CCDC201: variants seen among roughly 807,000 people sequenced by gnomAD.
CCDC201 encodes coiled-coil domain containing 201, also known as coiled-coil domain-containing protein 201.
chr7:45,864,386 C>T (rs968511181), intron 2 of CCDC201, among the ~76,000 whole-genome samples: 3 of 152,178 alleles, frequency 2.0e-5, no homozygotes, highest in Non-Finnish European at 4.4e-5. Context: ...CCTTCAGCTC[C>T]CAGAATACCC....
the CCDC201 span, among the ~76,000 whole-genome samples, chr7:45,879,535 A>C: frequency 2.6e-5 from 4 of 152,220 alleles, no homozygotes; most frequent in Non-Finnish European, 5.9e-5. Flanking sequence ...AAGGAGAAGC[A>C]AGCACCATCT....
chr7:45,873,615 C>T (rs549310224), upstream of CCDC201, among the ~76,000 whole-genome samples: 41 of 152,312 alleles, frequency 2.7e-4, no homozygotes, highest in South Asian at 5.8e-3. Flanking sequence ...TATCACCTAA[C>T]GACTCCCAGG....
upstream of CCDC201, among the ~76,000 whole-genome samples, chr7:45,875,439 CAAAA>C (rs34636507): frequency 2.0e-4 from 21 of 104,870 alleles, no homozygotes; most frequent in Non-Finnish European, 2.0e-4. Flanking sequence ...AGGCTTCAGT[CAAAA>C]AAAAAAAAAA....
intron 1 of CCDC201, among the ~76,000 whole-genome samples, chr7:45,867,772 C>T (rs1408482055): frequency 6.6e-6 from 1 of 152,182 alleles, no homozygotes. Context: ...GTCATAAGTT[C>T]AAGGACGTCA....
At chr7:45,863,342 CT>C (rs1193928387) in intron 2 of CCDC201, among the ~76,000 whole-genome samples, 171 bp from the exon 3 acceptor site, 7 of 152,132 alleles carry the variant, frequency 4.6e-5, no homozygotes, top group Non-Finnish European at 7.4e-5. Flanking sequence ...AAATGGGATA[CT>C]GTGCCACCCA....
exon 3 of CCDC201, chr7:45,861,150 C>T (rs992000743): frequency 2.0e-5 from 3 of 152,174 alleles, no homozygotes; most frequent in Admixed American, 2.0e-4. Context: ...ATGCCTGAAT[C>T]ACTTTGCATC....
upstream of CCDC201, among the ~76,000 whole-genome samples, chr7:45,874,691 TTTG>T (rs538463746): frequency 2.6e-5 from 4 of 152,192 alleles, no homozygotes; most frequent in South Asian, 8.3e-4. Context: ...CTAGAAAGGG[TTTG>T]TCAGAGAGCC....
At chr7:45,869,484 C>T (rs534980383) in intron 1 of CCDC201, among the ~76,000 whole-genome samples, 9 of 152,142 alleles carry the variant, frequency 5.9e-5, no homozygotes, top group Non-Finnish European at 1.3e-4. Context: ...CAGTCTTGGC[C>T]GGAAAGGAGG....
chr7:45,876,633 T>A (rs1786811634), upstream of CCDC201, among the ~76,000 whole-genome samples: 1 of 152,222 alleles, frequency 6.6e-6, no homozygotes, highest in Non-Finnish European at 1.5e-5. Context: ...GGTACACTGG[T>A]TTGGGCAGTG....
chr7:45,872,341 G>A (rs76699520), intron 1 of CCDC201, among the ~76,000 whole-genome samples: 23,832 of 152,232 alleles, frequency 0.16, 2,173 homozygotes, highest in East Asian at 0.27. Context: ...TGTATGCAAC[G>A]CAGGGTGCTA....
upstream of CCDC201, among the ~76,000 whole-genome samples, chr7:45,876,144 A>G (rs1236359571): frequency 1.3e-5 from 2 of 152,294 alleles, no homozygotes; most frequent in African/African-American, 4.8e-5. Context: ...AGAGGGGCAG[A>G]CAGCATCAGA....
intron 2 of CCDC201, among the ~76,000 whole-genome samples, chr7:45,864,510 C>T (rs1048978085): frequency 1.3e-5 from 2 of 152,164 alleles, no homozygotes; most frequent in Non-Finnish European, 2.9e-5. Context: ...CCGGGTGACC[C>T]TTGGTGGACA....
upstream of CCDC201, among the ~76,000 whole-genome samples, chr7:45,874,316 T>C (rs933362278): frequency 6.6e-6 from 1 of 152,208 alleles, no homozygotes; most frequent in African/African-American, 2.4e-5. Flanking sequence ...CCCAGGACTG[T>C]CTGACTCCAA....
upstream of CCDC201, among the ~76,000 whole-genome samples, chr7:45,875,230 C>T (rs1194925312): frequency 1.3e-5 from 2 of 152,136 alleles, no homozygotes; most frequent in Admixed American, 6.5e-5. Context: ...AACAGTGGCT[C>T]ACGCCTGTAA....
chr7:45,880,521 G>A, the CCDC201 span, among the ~76,000 whole-genome samples: 1 of 152,194 alleles, frequency 6.6e-6, no homozygotes, highest in East Asian at 1.9e-4. Context: ...ACTGTATGCT[G>A]GTGATGGCAC....
upstream of CCDC201, among the ~76,000 whole-genome samples, chr7:45,875,423 A>T (rs946028073): frequency 3.7e-5 from 5 of 134,110 alleles, no homozygotes; most frequent in South Asian, 1.0e-3. Context: ...TGAACCCGGG[A>T]GGAGGAGGCT....
upstream of CCDC201, among the ~76,000 whole-genome samples, chr7:45,875,642 G>A (rs975999310): frequency 4.6e-5 from 7 of 152,136 alleles, no homozygotes; most frequent in Non-Finnish European, 5.9e-5. Context: ...AGCTCCCTTA[G>A]CACCGTCAAT....
rs199881089 is a variant in CCDC201, at chr7:45,868,265, G to A, written c.19-1771C>T. On this transcript the variant is annotated intron_variant, in intron 1 of 2. Coordinates refer to ENST00000636578, the Ensembl canonical transcript of CCDC201. Reference sequence around the variant, plus strand: ...AGTTTATTTCTGCCTGGCCTCTCCAGGGGCTAGTTGAGTGTCCTCCAGATA... The same window carrying A: ...AGTTTATTTCTGCCTGGCCTCTCCAAGGGCTAGTTGAGTGTCCTCCAGATA... Among the ~76,000 whole-genome samples the A allele has an allele frequency of 7.9e-5, 12 of 152,132 alleles. No individual in the cohort carries two copies. The East Asian group carries it at 1.9e-3, about 25-fold the overall frequency.
the CCDC201 span, among the ~76,000 whole-genome samples, chr7:45,880,670 T>C: frequency 1.3e-5 from 2 of 152,262 alleles, no homozygotes; most frequent in Non-Finnish European, 2.9e-5. Flanking sequence ...TCAGGGTCAT[T>C]GCTGCCTGGC....
Sources: allele counts gnomAD v4.1 joint callset (sites outside exome capture counted in the v4.1 genomes callset), GRCh38; gene constraint gnomAD v4.1.1; transcripts MANE v1.5; gene names NCBI Gene and HGNC (gene_info 2026-07-23, HGNC 2026-07-21).